The following ARNT2 variants were observed in gnomAD, a reference collection of about 807,000 sequenced individuals.
ARNT2 encodes the protein aryl hydrocarbon receptor nuclear translocator 2.
ARNT2 carries 36 observed loss-of-function variants against 91.7 expected under a neutral mutation model. The ratio of observed to expected loss-of-function variants is 0.39; its 90% CI spans 0.30 to 0.52. The LOEUF (loss-of-function observed/expected upper bound fraction) is 0.52, where lower values mean the gene tolerates loss of function less well. ARNT2 is among the 20% of genes least tolerant of loss of function. ARNT2 has a pLI of 0.72. For synonymous variants in ARNT2, 365 were observed against 347.1 expected (o/e 1.05, Z -0.57); for missense variants, 775 against 939.3 (o/e 0.83, Z 2.29).
At chr15:80,506,851 T>A (rs916592968) in intron 5 of ARNT2, among the ~76,000 whole-genome samples, 5 of 151,984 alleles carry the variant, frequency 3.3e-5, no homozygotes, top group Non-Finnish European at 7.4e-5. Context: ...AAGGATAGGC[T>A]GGAGAAGGTG....
chr15:80,540,383 T>C (rs1334191717), intron 8 of ARNT2, among the ~76,000 whole-genome samples: 5 of 152,226 alleles, frequency 3.3e-5, no homozygotes, highest in African/African-American at 4.8e-5. Context: ...CACTGTGGAA[T>C]TGATTTCTGT....
At chr15:80,583,303 C>T (rs767489237) in intron 17 of ARNT2, among the ~76,000 whole-genome samples, 7 of 152,224 alleles carry the variant, frequency 4.6e-5, no homozygotes, top group African/African-American at 7.2e-5. Flanking sequence ...CCACTGTGGC[C>T]GTGACGAGAC....
chr15:80,547,791 G>A (rs1898014449), intron 8 of ARNT2, among the ~76,000 whole-genome samples: 1 of 152,066 alleles, frequency 6.6e-6, no homozygotes, highest in Non-Finnish European at 1.5e-5. Flanking sequence ...ATTAACAAGT[G>A]CAGTTTTTTT....
At chr15:80,557,912 A>G (rs1197118831) in intron 11 of ARNT2, among the ~76,000 whole-genome samples, 1 of 152,228 alleles carries the variant, frequency 6.6e-6, no homozygotes, top group African/African-American at 2.4e-5. Context: ...TACTTAAAAC[A>G]TGCCAACAGG....
rs142862370 is a variant in ARNT2 at position 80,562,997 on chromosome 15, C to T, written c.1165-91C>T. ...CCCTATTCTGAGGTCCTGCTGGCCC[C>T]TGCCGCAACCCCACTGCCTGCAGCT... On this transcript the variant is annotated intron_variant, in intron 11 of 18. Transcript: ENST00000303329. The T allele has an allele frequency of 3.3e-5, 49 of 1,469,744 alleles. 1 individual carries two copies. In the East Asian group the frequency reaches 1.1e-3, roughly 33 times the overall value. The allele number at this position is 1,469,744 out of a possible 1,614,324, so 91.0% of individuals were successfully genotyped here.
In ARNT2 at chr15:80,456,327, CGTAG is replaced by C. The variant is rs1567184232; in HGVS notation, c.147-1598_147-1595del. Among the ~76,000 whole-genome samples the C allele has an allele frequency of 2.0e-5, 3 of 151,354 alleles. No individual in the cohort carries two copies. In the East Asian group the frequency reaches 5.8e-4, roughly 29 times the overall value. On this transcript the variant is annotated intron_variant, in intron 2 of 18. Coordinates refer to ENST00000303329, the MANE Select transcript of ARNT2 (RefSeq NM_014862.4). ...TACCCCATCTCCTCTTCTTTTTGTG[CGTAG>C]GTATTTCTGTTATCATTACTGTCAT...
chr15:80,479,168 C>G (rs1204730682), intron 5 of ARNT2, among the ~76,000 whole-genome samples: 1 of 152,162 alleles, frequency 6.6e-6, no homozygotes, highest in Admixed American at 6.5e-5. Flanking sequence ...GGGGAGGGGA[C>G]AAGAAACCTG....
chr15:80,433,673 A>G (rs1896045626), intron 1 of ARNT2: 1 of 152,212 alleles, frequency 6.6e-6, no homozygotes, highest in Non-Finnish European at 1.5e-5. Flanking sequence ...GGCAAAGGGA[A>G]AGCCTCTTCA....
rs577016366 is a variant in ARNT2, at chr15:80,503,719, G to A, written c.623-4437G>A. 1.4e-4 allele frequency among the ~76,000 whole-genome samples: 22 copies of A among 152,342 alleles called. No individual in the cohort carries two copies. In the South Asian group the frequency reaches 4.2e-3, roughly 29 times the overall value. ...TGTCAAACCTGGGGCAGCAGACAGCGCAGAATCAGCAGACGCCCAGGACCT... is the reference window on the plus strand; with the variant it reads ...TGTCAAACCTGGGGCAGCAGACAGCACAGAATCAGCAGACGCCCAGGACCT... On this transcript the variant is annotated intron_variant, in intron 5 of 18. Transcript: ENST00000303329.
At chr15:80,474,918 TA>T in intron 4 of ARNT2, 91 bp from the exon 5 acceptor site, 1 of 1,265,310 alleles carries the variant, frequency 7.9e-7, no homozygotes. Flanking sequence ...AATATGCAGA[TA>T]AAGGAAATTG....
intron 6 of ARNT2, among the ~76,000 whole-genome samples, chr15:80,510,426 G>A (rs958009985): frequency 2.6e-5 from 4 of 152,044 alleles, no homozygotes; most frequent in East Asian, 3.9e-4. Flanking sequence ...ACATACATGC[G>A]GCCAACAATC....
Position 80,578,367 on chromosome 15 carries a change from T to G in ARNT2, c.1613+1402T>G, listed in dbSNP as rs182363131. 1.8e-3 allele frequency among the ~76,000 whole-genome samples: 275 copies of G among 151,922 alleles called. 1 individual carries two copies. Among genetic ancestry groups the G allele is most frequent in the African/African-American group, 6.0e-3 (248 of 41,450 alleles). On this transcript the variant is annotated intron_variant, in intron 15 of 18. Coordinates refer to ENST00000303329, the MANE Select transcript of ARNT2 (RefSeq NM_014862.4). ...GCTGAGTGAAGCCTTGGAGGAGGTG[T>G]TGTTGGAGGAGGCCTCACTAATGGG...
intron 5 of ARNT2, among the ~76,000 whole-genome samples, chr15:80,487,578 G>A (rs1278846105): frequency 6.6e-6 from 1 of 152,214 alleles, no homozygotes; most frequent in Non-Finnish European, 1.5e-5. Context: ...CAGCCTGCAA[G>A]GTACGGGCTC....
chr15:80,547,144 G>A (rs557693769), intron 8 of ARNT2, among the ~76,000 whole-genome samples: 4 of 152,094 alleles, frequency 2.6e-5, no homozygotes, highest in Non-Finnish European at 5.9e-5. Context: ...GTCTTCAAGG[G>A]CACACAAAGT....
chr15:80,574,899 T>C, intron 13 of ARNT2, 88 bp from the exon 14 acceptor site: 1 of 1,472,716 alleles, frequency 6.8e-7, no homozygotes, highest in Non-Finnish European at 9.2e-7. Flanking sequence ...GAGGGGGCTC[T>C]GATGAAGGAG....
chr15:80,444,921 G>A (rs1160659258), intron 1 of ARNT2: 1 of 151,604 alleles, frequency 6.6e-6, no homozygotes, highest in African/African-American at 2.4e-5. Context: ...TGCTGTGAAT[G>A]GTGGGGGAGT....
intron 15 of ARNT2, among the ~76,000 whole-genome samples, chr15:80,579,322 T>G (rs1041070001): frequency 1.3e-5 from 2 of 152,196 alleles, no homozygotes; most frequent in African/African-American, 4.8e-5. Context: ...GAATTGATTG[T>G]ATGAAGACAG....
At position 80,591,167 on chromosome 15, in the gene ARNT2, C is replaced by T. The variant is rs1376049062; in HGVS notation, c.1919-401C>T. 2.0e-5 allele frequency among the ~76,000 whole-genome samples: 3 copies of T among 152,194 alleles called. No individual in the cohort carries two copies. The highest frequency in any genetic ancestry group is 4.8e-5 in the African/African-American group (2 of 41,452). ...TGTGTCTTCCTCCTCATGCCAACAC[C>T]ATACTGCTGAGGACAGACCCTCTCT... On this transcript the variant is annotated intron_variant, in intron 17 of 18. Coordinates refer to ENST00000303329, the MANE Select transcript of ARNT2 (RefSeq NM_014862.4). This position sits in a 1 kb window ranked among gnomAD's most constrained non-coding sequence, Gnocchi z 5.1.
chr15:80,492,094 G>A (rs772387855), intron 5 of ARNT2, among the ~76,000 whole-genome samples: 6 of 151,794 alleles, frequency 4.0e-5, no homozygotes, highest in Non-Finnish European at 8.8e-5. Flanking sequence ...AGGCTGGAGT[G>A]CAGTGGCACC....
Sources: allele counts gnomAD v4.1 joint callset (sites outside exome capture counted in the v4.1 genomes callset), GRCh38; gene constraint gnomAD v4.1.1; non-coding constraint Gnocchi (gnomAD v3.1); transcripts MANE v1.5; gene names NCBI Gene and HGNC (gene_info 2026-07-23, HGNC 2026-07-21).